The following COL19A1 variants were observed in gnomAD, a reference collection of about 807,000 sequenced individuals.
The protein encoded by COL19A1 is collagen type XIX alpha 1 chain.
Under a neutral mutation model 190.2 loss-of-function variants are expected in COL19A1, and 159 were observed. That is an observed-to-expected ratio of 0.84 (90% CI 0.73 to 0.95). The LOEUF (loss-of-function observed/expected upper bound fraction) is 0.95. COL19A1 is among the 40% of genes least tolerant of loss of function. COL19A1 has a pLI of 0.00. For synonymous variants in COL19A1, 509 were observed against 458.9 expected (o/e 1.11, Z -1.39); for missense variants, 1,418 against 1,431.9 (o/e 0.99, Z 0.16).
intron 48 of COL19A1, among the ~76,000 whole-genome samples, chr6:70,196,634 C>T (rs1196114005): frequency 3.3e-5 from 5 of 152,122 alleles, no homozygotes; most frequent in Non-Finnish European, 5.9e-5. Context: ...ATTAAGGAGC[C>T]CATTCTCCAA....
rs35514426 is a variant in COL19A1, at chr6:70,132,443, AG to A, written c.1383+2223del. Among the ~76,000 whole-genome samples the A allele has an allele frequency of 4.1e-3, 626 of 152,288 alleles. 2 individuals are homozygous for A. The highest frequency in any genetic ancestry group is 7.0e-3 in the Admixed American group (107 of 15,296). ...AAACATGAGCATAGCAGTTGCTGGA[AG>A]GGTGAAATCAACTCTACCTATGTAA... On this transcript the variant is annotated intron_variant, in intron 18 of 50. Coordinates refer to ENST00000620364, the MANE Select transcript of COL19A1 (RefSeq NM_001858.6).
chr6:69,902,821 T>C (rs1262362838), intron 4 of COL19A1, among the ~76,000 whole-genome samples: 1 of 152,148 alleles, frequency 6.6e-6, no homozygotes, highest in Non-Finnish European at 1.5e-5. Context: ...TATACTGCAC[T>C]CTCACGCCAG....
chr6:69,899,098 A>G (rs1769986395), intron 3 of COL19A1, 76 bp downstream of exon 3: 1 of 917,154 alleles, frequency 1.1e-6, no homozygotes, highest in Admixed American at 2.0e-5. Flanking sequence ...AATACATTAT[A>G]GGTGAATCTT....
intron 48 of COL19A1, among the ~76,000 whole-genome samples, chr6:70,192,464 C>CTTCT (rs1488548479): frequency 6.7e-6 from 1 of 149,290 alleles, no homozygotes; most frequent in African/African-American, 2.5e-5. Context: ...ATTCTTTCTT[C>CTTCT]TTCTTTCTTT....
At chr6:70,088,162 T>A (rs1782691639) in intron 15 of COL19A1, among the ~76,000 whole-genome samples, 1 of 152,134 alleles carries the variant, frequency 6.6e-6, no homozygotes, top group Non-Finnish European at 1.5e-5. Flanking sequence ...TATAGTCTAA[T>A]CATGAGGAAA....
chr6:70,105,158 C>A (rs1783872981), intron 16 of COL19A1, among the ~76,000 whole-genome samples: 1 of 152,016 alleles, frequency 6.6e-6, no homozygotes, highest in Admixed American at 6.6e-5. Flanking sequence ...ATAAAATACC[C>A]AATTTGTTAG....
At position 70,056,587 on chromosome 6, in the gene COL19A1, C is replaced by A. The variant is rs189572743; in HGVS notation, c.1171-11836C>A. Reference sequence around the variant, plus strand: ...AGAGCATCTCTATGTAGTGATGAAGCACTTGATGTTTAGACATTCTTCTCA... The same window carrying A: ...AGAGCATCTCTATGTAGTGATGAAGAACTTGATGTTTAGACATTCTTCTCA... On this transcript the variant is annotated intron_variant, in intron 14 of 50. Transcript: ENST00000620364. Among the ~76,000 whole-genome samples, 202 of 152,220 alleles carry A rather than the reference C, an allele frequency of 1.3e-3. 4 individuals carry two copies. In the South Asian group the frequency reaches 0.025, roughly 19 times the overall value.
chr6:70,009,524 A>C (rs1277089770), intron 11 of COL19A1, among the ~76,000 whole-genome samples: 1 of 152,144 alleles, frequency 6.6e-6, no homozygotes, highest in East Asian at 1.9e-4. Context: ...ACAGTTCTTT[A>C]GATATTGATC....
chr6:70,142,062 A>G lies in COL19A1; in HGVS notation c.1558A>G (p.Ser520Gly), dbSNP rs1786288611. The change falls in exon 22 of 51, where the codon AGC becomes GGC. Residue 520 changes from serine (S) to glycine (G), a missense_variant. Ser to Gly is a moderately conservative substitution (Grantham distance 56). Coordinates refer to ENST00000620364, the MANE Select transcript of COL19A1 (RefSeq NM_001858.6). ...TCCCGGACCCCCTGGTTTAATAGGA[A>G]GCCCAGGACTAAAGGTATATAAGAA... ...GDPGPPGLIG[S>G]PGLKGQQGSA... 1.2e-6 allele frequency: 2 copies of G among 1,611,998 alleles called. No homozygotes were observed. Among genetic ancestry groups the G allele is most frequent in the Admixed American group, 3.3e-5 (2 of 59,788 alleles).
intron 34 of COL19A1, among the ~76,000 whole-genome samples, chr6:70,160,289 CACTT>C (rs1265172249): frequency 6.6e-6 from 1 of 152,042 alleles, no homozygotes; most frequent in African/African-American, 2.4e-5. Flanking sequence ...AACTTCCAAA[CACTT>C]ACAAAACCAT....
At chr6:69,945,984 C>A (rs1459306003) in intron 9 of COL19A1, among the ~76,000 whole-genome samples, 1 of 151,712 alleles carries the variant, frequency 6.6e-6, no homozygotes, top group Non-Finnish European at 1.5e-5. Context: ...TTTTTCCATC[C>A]CTGCTTGGCA....
In COL19A1 at chr6:70,199,810, G is replaced by C. The variant is rs574946733; in HGVS notation, c.3223+74G>C. ...TTTATAACATGTTAGTCACAGTTAA[G>C]GAAAAAAGTATGTATGTATGTCCTT... On this transcript the variant is annotated intron_variant, in intron 49 of 50. Transcript: ENST00000620364. The C allele has an allele frequency of 2.2e-3, 3,166 of 1,448,808 alleles. 4 individuals are homozygous for C. The highest frequency in any genetic ancestry group is 2.8e-3 in the Non-Finnish European group (3,004 of 1,075,388). 89.7% of individuals were successfully genotyped at this position (1,448,808 alleles called of 1,614,324 possible). A position where few individuals can be genotyped will look rare whatever the true frequency, so the allele number is the denominator to read the frequency against.
intron 9 of COL19A1, among the ~76,000 whole-genome samples, chr6:69,948,240 C>T (rs530793098): frequency 6.6e-6 from 1 of 151,882 alleles, no homozygotes; most frequent in South Asian, 2.1e-4. Context: ...AGCGCTTGAG[C>T]TATAAAATAG....
intron 19 of COL19A1, among the ~76,000 whole-genome samples, chr6:70,138,299 T>G (rs1265519865): frequency 6.6e-6 from 1 of 152,190 alleles, no homozygotes; most frequent in African/African-American, 2.4e-5. Flanking sequence ...TTTTTGGTAT[T>G]ACTGTGGCCA....
chr6:70,114,369 C>G (rs1784447731), intron 16 of COL19A1, among the ~76,000 whole-genome samples: 1 of 152,146 alleles, frequency 6.6e-6, no homozygotes, highest in Non-Finnish European at 1.5e-5. Flanking sequence ...TGGGGTCAGA[C>G]AGACCTGAGT....
At position 70,151,439 on chromosome 6, in the gene COL19A1, G is replaced by A; in HGVS notation, c.2079+1G>A. 1 of 1,612,404 alleles carries A rather than the reference G, an allele frequency of 6.2e-7. No individual in the cohort carries two copies. Among genetic ancestry groups the A allele is most frequent in the Non-Finnish European group, 8.5e-7 (1 of 1,178,922 alleles). Reference sequence around the variant, plus strand: ...GGGAGACATCGGTGCTTTGCTCAAGGTACTCTATTGCTATGTAAGAAATTA... The same window carrying A: ...GGGAGACATCGGTGCTTTGCTCAAGATACTCTATTGCTATGTAAGAAATTA... On this transcript the variant is annotated splice_donor_variant, in intron 31 of 50. Transcript: ENST00000620364. LOFTEE classifies it high-confidence loss of function.
chr6:70,188,390 G>C, intron 47 of COL19A1, 145 bp downstream of exon 47: 1 of 956,648 alleles, frequency 1.0e-6, no homozygotes, highest in Non-Finnish European at 1.5e-6. Context: ...GTCATTTAAA[G>C]TTATGTGCCA....
At chr6:69,927,823 TTG>T in intron 4 of COL19A1, 84 bp from the exon 5 acceptor site, 1 of 1,448,682 alleles carries the variant, frequency 6.9e-7, no homozygotes, top group Non-Finnish European at 9.3e-7. Context: ...GACTGAGATA[TTG>T]TGTTACACAG....
chr6:70,187,494 G>A, intron 46 of COL19A1, among the ~76,000 whole-genome samples: 1 of 326 alleles, frequency 3.1e-3, no homozygotes. Flanking sequence ...TCTCAGTAAT[G>A]AGATCCAGGG....
Sources: allele counts gnomAD v4.1 joint callset (sites outside exome capture counted in the v4.1 genomes callset), GRCh38; gene constraint gnomAD v4.1.1; transcripts MANE v1.5; gene names NCBI Gene and HGNC (gene_info 2026-07-23, HGNC 2026-07-21).